RAB2A: variants seen among roughly 807,000 people sequenced by gnomAD.
The protein encoded by RAB2A is RAB2A, member RAS oncogene family.
A neutral mutation model predicts 32.5 loss-of-function variants in RAB2A; 7 were observed. The ratio of observed to expected loss-of-function variants is 0.22; its 90% CI spans 0.12 to 0.40. The LOEUF (loss-of-function observed/expected upper bound fraction) is 0.40. RAB2A is among the 10% of genes least tolerant of loss of function. The probability of loss-of-function intolerance (pLI) is 1.00; values close to 1 mark genes in which losing one functional copy is unlikely to be tolerated. For missense variants in RAB2A, 108 were observed against 260.7 expected (o/e 0.41, Z 4.03); for synonymous variants, 79 against 85.2 (o/e 0.93, Z 0.40).
intron 1 of RAB2A, among the ~76,000 whole-genome samples, chr8:60,545,878 A>G: frequency 6.6e-6 from 1 of 152,338 alleles, no homozygotes; most frequent in Non-Finnish European, 1.5e-5. Flanking sequence ...TATTCATTAA[A>G]CAAATATTCA....
chr8:60,579,515 C>T (rs1020091853), intron 3 of RAB2A, among the ~76,000 whole-genome samples: 2 of 152,212 alleles, frequency 1.3e-5, no homozygotes, highest in African/African-American at 4.8e-5. Context: ...TTAGGAATCT[C>T]TTACTATTAA....
At chr8:60,557,924 A>G (rs646871) in intron 1 of RAB2A, among the ~76,000 whole-genome samples, 18,184 of 152,068 alleles carry the variant, frequency 0.12, 1,398 homozygotes, top group Non-Finnish European at 0.18. Context: ...AATTATTTCA[A>G]ATTATTCATA....
chr8:60,573,386 C>A (rs993604907), intron 3 of RAB2A, among the ~76,000 whole-genome samples: 1 of 152,150 alleles, frequency 6.6e-6, no homozygotes, highest in Non-Finnish European at 1.5e-5. Flanking sequence ...AGAGAACATC[C>A]GGTCTCACAG....
At chr8:60,533,973 CA>C (rs752935598) in intron 1 of RAB2A, among the ~76,000 whole-genome samples, 14 of 151,676 alleles carry the variant, frequency 9.2e-5, no homozygotes, top group Non-Finnish European at 1.9e-4. Flanking sequence ...AAAAACAAAA[CA>C]AAACAATAGC....
chr8:60,576,298 G>A (rs748136590), intron 3 of RAB2A: 13 of 456,180 alleles, frequency 2.8e-5, no homozygotes, highest in Admixed American at 4.7e-5. Context: ...AAAGGCAGAG[G>A]TATGTTCTCA....
chr8:60,540,887 A>G (rs1413540529), intron 1 of RAB2A, among the ~76,000 whole-genome samples: 3 of 152,338 alleles, frequency 2.0e-5, no homozygotes, highest in East Asian at 1.9e-4. Context: ...ATAAGACACA[A>G]TGGGTAAAAA....
chr8:60,555,713 G>A (rs917852692), intron 1 of RAB2A, among the ~76,000 whole-genome samples: 1 of 152,108 alleles, frequency 6.6e-6, no homozygotes, highest in African/African-American at 2.4e-5. Flanking sequence ...AGAACATGCT[G>A]GTGAGGATTC....
At chr8:60,569,436 A>G (rs1435872859) in intron 2 of RAB2A, among the ~76,000 whole-genome samples, 2 of 152,138 alleles carry the variant, frequency 1.3e-5, no homozygotes, top group Non-Finnish European at 2.9e-5. Context: ...TTAAAATTGG[A>G]TGTATTTTTA....
At chr8:60,580,403 G>C (rs987726827) in intron 3 of RAB2A, among the ~76,000 whole-genome samples, 1 of 151,726 alleles carries the variant, frequency 6.6e-6, no homozygotes, top group East Asian at 1.9e-4. Flanking sequence ...TTTATAGTTA[G>C]AGAAGCCATA....
chr8:60,608,614 C>T (rs1365393615), intron 6 of RAB2A, among the ~76,000 whole-genome samples: 1 of 149,032 alleles, frequency 6.7e-6, no homozygotes, highest in African/African-American at 2.6e-5. Flanking sequence ...CCTTTACCCC[C>T]ACCCCACCTC....
chr8:60,547,712 C>A (rs1383501703), intron 1 of RAB2A, among the ~76,000 whole-genome samples: 29 of 57,170 alleles, frequency 5.1e-4, no homozygotes, highest in Admixed American at 9.0e-4. Context: ...GGCTGACCCC[C>A]CCACCTCCCT....
chr8:60,547,927 T>G (rs1294335191), intron 1 of RAB2A, among the ~76,000 whole-genome samples: 26 of 62,300 alleles, frequency 4.2e-4, no homozygotes, highest in Admixed American at 8.3e-4. Flanking sequence ...CCGGGCAGAG[T>G]GGCTCCTCAC....
intron 2 of RAB2A, among the ~76,000 whole-genome samples, chr8:60,567,395 G>T (rs1766523986): frequency 6.6e-6 from 1 of 151,920 alleles, no homozygotes. Context: ...TCTATTTCAT[G>T]AGGCAATATC....
At chr8:60,558,517 A>G in intron 1 of RAB2A, 1 of 493,320 alleles carries the variant, frequency 2.0e-6, no homozygotes, top group South Asian at 1.5e-5. Context: ...TTTTCACTGT[A>G]ACACAAAAAA....
chr8:60,568,846 C>T (rs1396834792), intron 2 of RAB2A, among the ~76,000 whole-genome samples: 28 of 151,466 alleles, frequency 1.8e-4, no homozygotes, highest in Admixed American at 1.8e-3. Flanking sequence ...GGGAAGAGGG[C>T]GTCAAAGGCA....
chr8:60,549,480 T>G (rs1242879813), intron 1 of RAB2A, among the ~76,000 whole-genome samples: 3 of 57,064 alleles, frequency 5.3e-5, no homozygotes, highest in African/African-American at 1.5e-4. Flanking sequence ...TCCACCAACC[T>G]TTTTTTTTTT....
Position 60,620,744 on chromosome 8 carries a change from A to C in RAB2A, c.614A>C (p.Gln205Pro), listed in dbSNP as rs780644258. 1 of 1,613,820 alleles carries C rather than the reference A, an allele frequency of 6.2e-7. No homozygotes were observed. The highest frequency in any genetic ancestry group is 1.1e-5 in the South Asian group (1 of 91,062). ...NATHAGNQGG[Q>P]QAGGGCC ...ACACATGCAGGCAATCAGGGAGGAC[A>C]GCAGGCTGGGGGCGGCTGCTGTTGA... The change falls in exon 8 of 8, where the codon CAG becomes CCG. Residue 205 changes from glutamine to proline, a missense_variant. By Grantham distance (76) the Gln-to-Pro change is moderately conservative (BLOSUM62 -1). Transcript: ENST00000262646.
intron 2 of RAB2A, among the ~76,000 whole-genome samples, chr8:60,571,718 A>G (rs1808199877): frequency 6.6e-6 from 1 of 152,090 alleles, no homozygotes; most frequent in African/African-American, 2.4e-5. Flanking sequence ...AATATTTAAC[A>G]TTTGTGTTTA....
chr8:60,544,200 C>T (rs1170692613), intron 1 of RAB2A, among the ~76,000 whole-genome samples: 4 of 148,586 alleles, frequency 2.7e-5, no homozygotes, highest in East Asian at 2.0e-4. Context: ...CAAGCTATTT[C>T]GGCTAATTTT....
Sources: gnomAD v4.1 joint callset for allele counts (sites outside exome capture counted in the v4.1 genomes callset) on GRCh38, gnomAD v4.1.1 for gene constraint, MANE v1.5 for transcripts, NCBI Gene and HGNC (gene_info 2026-07-23, HGNC 2026-07-21) for gene names.